Variants in TEX14 observed in about 807,000 individuals in gnomAD.
TEX14 encodes inactive serine/threonine-protein kinase TEX14.
A neutral mutation model predicts 178.6 loss-of-function variants in TEX14; 168 were observed. The observed-to-expected ratio is 0.94, with a 90% CI of 0.83 to 1.07. The LOEUF (loss-of-function observed/expected upper bound fraction) is 1.07. Among genes scored for constraint, TEX14 ranks in the 50% least tolerant of loss-of-function variants. The pLI, the probability that TEX14 is intolerant of heterozygous loss-of-function variation, is 0.00. For missense variants in TEX14, 1,730 were observed against 1,753.6 expected (o/e 0.99, Z 0.24); for synonymous variants, 626 against 634.1 (o/e 0.99, Z 0.19).
chr17:58,614,489 T>C (rs2045824520), intron 8 of TEX14, among the ~76,000 whole-genome samples: 3 of 152,144 alleles, frequency 2.0e-5, no homozygotes, highest in African/African-American at 7.2e-5. Flanking sequence ...GACTCAATCC[T>C]ACCCTCCCCG....
chr17:58,585,792 T>G lies in TEX14; in HGVS notation c.3070+9A>C, dbSNP rs1308533998. 1 of 1,613,334 alleles carries G rather than the reference T, an allele frequency of 6.2e-7. No individual in the cohort carries two copies. The highest frequency in any genetic ancestry group is 1.3e-5 in the African/African-American group (1 of 74,854). On this transcript the variant is annotated intron_variant, in intron 18 of 31. Coordinates refer to ENST00000349033, the MANE Select transcript of TEX14 (RefSeq NM_031272.5). ...GTTCACCTATCCTGATTCCCGCAAG[T>G]GAACTTACTGGTGAAGCTTCCAAGC...
At position 58,564,918 on chromosome 17, in the gene TEX14, T is replaced by C. The variant is rs1380840055; in HGVS notation, c.4015A>G (p.Ser1339Gly). 5.0e-6 allele frequency: 8 copies of C among 1,608,826 alleles called. No individual in the cohort carries two copies. In the East Asian group the frequency reaches 1.1e-4, roughly 23 times the overall value. The change falls in exon 28 of 32, where the codon AGT (serine) becomes GGT (glycine). Residue 1339 changes from serine to glycine, a missense_variant. By Grantham distance (56) the Ser-to-Gly change is moderately conservative. This residue lies in a region of TEX14 where 941 missense variants were observed against 1,072.4 expected (regional missense o/e 0.88). Coordinates refer to ENST00000349033, the MANE Select transcript of TEX14 (RefSeq NM_031272.5). ...TCAGTTTCTTTGGACAAAAGCATAC[T>C]ACTATCTTCTTTTTTACTGTCAGTT... ...QETDSKKEDS[S>G]MLLSKETEDL...
intron 3 of TEX14, among the ~76,000 whole-genome samples, chr17:58,628,541 T>C (rs1336610429): frequency 1.3e-5 from 2 of 151,986 alleles, no homozygotes; most frequent in African/African-American, 2.4e-5. Context: ...TGAAACCCCA[T>C]CTCTACTAAA....
At chr17:58,689,077 C>A (rs1454705953) in intron 1 of TEX14, among the ~76,000 whole-genome samples, 1 of 151,802 alleles carries the variant, frequency 6.6e-6, no homozygotes, top group Non-Finnish European at 1.5e-5. Context: ...ACTACAGGTG[C>A]CTGCCACCAC....
chr17:58,667,841 C>T lies in TEX14; in HGVS notation c.-1-15839G>A, dbSNP rs546593324. On this transcript the variant is annotated intron_variant, in intron 1 of 31. Transcript: ENST00000349033. ...CGAAGGTTGCAGTGAGGCAATGAGCCGTGATCATGCCACCGCACTCCAGCC... is the reference window on the plus strand; with the variant it reads ...CGAAGGTTGCAGTGAGGCAATGAGCTGTGATCATGCCACCGCACTCCAGCC... Among the ~76,000 whole-genome samples, 3 of 150,456 alleles carry T rather than the reference C, an allele frequency of 2.0e-5. No individual in the cohort carries two copies. The Admixed American group carries it at 2.0e-4, about 10-fold the overall frequency.
intron 1 of TEX14, chr17:58,660,664 A>G: frequency 1.3e-6 from 1 of 783,892 alleles, no homozygotes; most frequent in Non-Finnish European, 2.4e-6. Flanking sequence ...GTGTTTGTTC[A>G]TCATCCTCTT....
chr17:58,566,602 C>T (rs1315034422), intron 26 of TEX14, among the ~76,000 whole-genome samples: 1 of 151,688 alleles, frequency 6.6e-6, no homozygotes, highest in Non-Finnish European at 1.5e-5. Flanking sequence ...AGTTCGAGCC[C>T]AGCCTGGCCA....
At chr17:58,618,636 T>C (rs570906968) in intron 5 of TEX14, among the ~76,000 whole-genome samples, 54 of 152,360 alleles carry the variant, frequency 3.5e-4, no homozygotes, top group Admixed American at 1.1e-3. Context: ...TTTCCTTTTC[T>C]TGGCAAATGG....
intron 1 of TEX14, among the ~76,000 whole-genome samples, chr17:58,662,795 T>G (rs1260192029): frequency 1.3e-5 from 2 of 152,156 alleles, no homozygotes; most frequent in Non-Finnish European, 2.9e-5. Context: ...TTTTGTTACA[T>G]AAGTTCACAA....
chr17:58,676,564 CAAAAG>C (rs760545467), intron 1 of TEX14, among the ~76,000 whole-genome samples: 21 of 151,866 alleles, frequency 1.4e-4, no homozygotes, highest in Non-Finnish European at 1.3e-4. Context: ...CCATCTCAAA[CAAAAG>C]AAAACAAAAC....
chr17:58,608,669 A>G (rs2045673395), intron 10 of TEX14, among the ~76,000 whole-genome samples: 2 of 152,268 alleles, frequency 1.3e-5, no homozygotes, highest in Admixed American at 1.3e-4. Context: ...ACACACTTGT[A>G]TAAAAATGAC....
intron 13 of TEX14, 94 bp downstream of exon 13, chr17:58,601,712 A>C: frequency 8.5e-7 from 1 of 1,172,000 alleles, no homozygotes; most frequent in Non-Finnish European, 1.2e-6. Context: ...AACAAGTTAC[A>C]TCTACAGTTT....
intron 3 of TEX14, among the ~76,000 whole-genome samples, chr17:58,628,487 C>T (rs1260616616): frequency 1.3e-5 from 2 of 151,932 alleles, no homozygotes; most frequent in East Asian, 1.9e-4. Flanking sequence ...CTAAGGCGGG[C>T]GGATCATGAG....
intron 2 of TEX14, chr17:58,648,081 T>C (rs1052767659): frequency 2.0e-5 from 3 of 152,266 alleles, no homozygotes; most frequent in Admixed American, 6.6e-5. Context: ...ACTCTTCCTC[T>C]GATCTCAACG....
intron 18 of TEX14, among the ~76,000 whole-genome samples, chr17:58,584,938 A>G (rs149747586): frequency 2.1e-3 from 319 of 152,308 alleles, no homozygotes; most frequent in African/African-American, 7.3e-3. Flanking sequence ...AACAATATCC[A>G]TGCCCTGATT....
At chr17:58,691,052 G>A (rs776023765) in intron 1 of TEX14, among the ~76,000 whole-genome samples, 1 of 151,854 alleles carries the variant, frequency 6.6e-6, no homozygotes, top group Non-Finnish European at 1.5e-5. Flanking sequence ...ACAGTGTTTC[G>A]CCATGTTGTC....
rs183176423 is a variant in TEX14 at position 58,615,217 on chromosome 17, G to A, written c.881+15C>T. ...GAGACCTGGACCTATAAGGGGCCTT[G>A]GGCTTCCTTCTCACCTGCTGTGTTC... On this transcript the variant is annotated intron_variant, in intron 8 of 31. Transcript: ENST00000349033. The A allele has an allele frequency of 6.4e-3, 9,922 of 1,548,416 alleles. 43 individuals carry two copies. Among genetic ancestry groups the A allele is most frequent in the Non-Finnish European group, 8.2e-3 (9,179 of 1,120,864 alleles).
intron 18 of TEX14, among the ~76,000 whole-genome samples, 166 bp downstream of exon 18, chr17:58,585,635 T>C (rs906725246): frequency 6.7e-6 from 1 of 148,260 alleles, no homozygotes; most frequent in Non-Finnish European, 1.5e-5. Flanking sequence ...TTTTTTTTTT[T>C]TGTAGAGACC....
Position 58,565,759 on chromosome 17 carries a change from C to A in TEX14, c.3952G>T (p.Gly1318Cys). ...GTAGTTCACTTACCATTTGCAGTGC[C>A]TCCTCCATCACTTGCTGTGTTCTCA... ...LHENTASDGGGTANDQRHLEE... is the reference protein window; with the variant it reads ...LHENTASDGGCTANDQRHLEE... Residue 1318 changes from glycine to cysteine, a missense_variant, in exon 27 of 32, where the codon GGC (glycine) becomes TGC (cysteine). Physicochemically the swap from Gly to Cys is radical, Grantham distance 159. Transcript: ENST00000349033. 6.2e-7 allele frequency: 1 copy of A among 1,608,738 alleles called. No homozygotes were observed. The highest frequency in any genetic ancestry group is 8.5e-7 in the Non-Finnish European group (1 of 1,177,374).
Sources: gnomAD v4.1 joint callset for allele counts (sites outside exome capture counted in the v4.1 genomes callset) on GRCh38, gnomAD v4.1.1 for gene constraint, gnomAD v4.1.1 regional missense constraint, MANE v1.5 for transcripts, NCBI Gene and HGNC (gene_info 2026-07-23, HGNC 2026-07-21) for gene names.